The following DRC11 variants were observed in gnomAD, a reference collection of about 807,000 sequenced individuals.
DRC11 encodes the protein dynein regulatory complex subunit 11, also known as IQ and AAA domain-containing protein 1.
the DRC11 span, chr2:236,503,754 C>T: frequency 6.8e-7 from 1 of 1,472,060 alleles, no homozygotes; most frequent in Non-Finnish European, 9.3e-7. This position sits in a 1 kb window ranked among gnomAD's most constrained non-coding sequence, Gnocchi z 4.9. Context: ...ACACCCCCTC[C>T]CACACTGGAC....
chr2:236,447,880 C>A, the DRC11 span, among the ~76,000 whole-genome samples: 3 of 148,722 alleles, frequency 2.0e-5, no homozygotes, highest in African/African-American at 5.0e-5. This position sits in a 1 kb window ranked among gnomAD's most constrained non-coding sequence, Gnocchi z 4.6. Flanking sequence ...TGAAAGCTGG[C>A]CAGGGGAGGG....
At chr2:236,416,610 A>C in the DRC11 span, among the ~76,000 whole-genome samples, 1 of 151,068 alleles carries the variant, frequency 6.6e-6, no homozygotes, top group East Asian at 2.0e-4. Context: ...GTCACAGTGC[A>C]GGAGCCGAGC....
At chr2:236,447,839 A>C in the DRC11 span, among the ~76,000 whole-genome samples, 26 of 128,450 alleles carry the variant, frequency 2.0e-4, no homozygotes, top group African/African-American at 7.6e-4. This position sits in a 1 kb window ranked among gnomAD's most constrained non-coding sequence, Gnocchi z 4.6. Context: ...GTCGGCTTGG[A>C]CCTTGCCTGT....
chr2:236,489,717 T>A, the DRC11 span, among the ~76,000 whole-genome samples: 46 of 152,208 alleles, frequency 3.0e-4, no homozygotes, highest in Middle Eastern at 3.4e-3. Flanking sequence ...AGTCCAGGAA[T>A]TTTAAGACCA....
At chr2:236,449,022 G>A in the DRC11 span, among the ~76,000 whole-genome samples, 1 of 151,846 alleles carries the variant, frequency 6.6e-6, no homozygotes, top group Non-Finnish European at 1.5e-5. The surrounding 1 kb of genome is among the most constrained non-coding windows in gnomAD (Gnocchi z 5.1). Flanking sequence ...ACCACGCCTG[G>A]CAAATTTTTG....
chr2:236,330,962 T>C, the DRC11 span, among the ~76,000 whole-genome samples: 3 of 152,198 alleles, frequency 2.0e-5, no homozygotes, highest in Non-Finnish European at 2.9e-5. The surrounding 1 kb of genome is among the most constrained non-coding windows in gnomAD (Gnocchi z 5.5). Context: ...AAAAACAAAG[T>C]GTTCCATGAC....
At chr2:236,417,904 G>A in the DRC11 span, among the ~76,000 whole-genome samples, 1 of 152,312 alleles carries the variant, frequency 6.6e-6, no homozygotes, top group South Asian at 2.1e-4. Context: ...CAAAAGACAT[G>A]AACTCATTCT....
the DRC11 span, among the ~76,000 whole-genome samples, chr2:236,357,584 T>C: frequency 1.6e-5 from 2 of 127,066 alleles, no homozygotes; most frequent in Non-Finnish European, 3.1e-5. Flanking sequence ...TTATATATTA[T>C]AAATATGCAT....
the DRC11 span, among the ~76,000 whole-genome samples, chr2:236,370,806 T>G: frequency 7.5e-4 from 3 of 3,988 alleles, no homozygotes; most frequent in Admixed American, 3.5e-3. The surrounding 1 kb of genome is among the most constrained non-coding windows in gnomAD (Gnocchi z 5.5). Flanking sequence ...GTGGGGTGGG[T>G]GGTGGGGGTG....
At chr2:236,470,738 T>C in the DRC11 span, among the ~76,000 whole-genome samples, 1 of 152,166 alleles carries the variant, frequency 6.6e-6, no homozygotes, top group Non-Finnish European at 1.5e-5. This position sits in a 1 kb window ranked among gnomAD's most constrained non-coding sequence, Gnocchi z 5.1. Flanking sequence ...ATAGTACAGA[T>C]AGCTAGAGCT....
the DRC11 span, among the ~76,000 whole-genome samples, chr2:236,412,434 C>A: frequency 6.6e-6 from 1 of 152,176 alleles, no homozygotes; most frequent in Non-Finnish European, 1.5e-5. Flanking sequence ...TCATCCGTGC[C>A]CCACCTTCAA....
chr2:236,427,139 T>C, the DRC11 span, among the ~76,000 whole-genome samples: 7 of 152,202 alleles, frequency 4.6e-5, no homozygotes, highest in Non-Finnish European at 1.0e-4. The surrounding 1 kb of genome is among the most constrained non-coding windows in gnomAD (Gnocchi z 5.9). Context: ...TGTTTGGTCA[T>C]GGTGAATGAT....
chr2:236,392,040 T>A, the DRC11 span: 1 of 1,614,008 alleles, frequency 6.2e-7, no homozygotes, highest in Non-Finnish European at 8.5e-7. This position sits in a 1 kb window ranked among gnomAD's most constrained non-coding sequence, Gnocchi z 5.1. Flanking sequence ...TAGCTTTAAG[T>A]TTTTAAGTTC....
chr2:236,350,318 C>T, the DRC11 span, among the ~76,000 whole-genome samples: 1 of 152,186 alleles, frequency 6.6e-6, no homozygotes, highest in African/African-American at 2.4e-5. The surrounding 1 kb of genome is among the most constrained non-coding windows in gnomAD (Gnocchi z 5.2). Context: ...AATTGCTCTC[C>T]CTAGTTCAGC....
At chr2:236,357,652 A>ATATAAT in the DRC11 span, among the ~76,000 whole-genome samples, 1 of 93,266 alleles carries the variant, frequency 1.1e-5, no homozygotes, top group Non-Finnish European at 2.1e-5. Context: ...AAATATATAA[A>ATATAAT]TTATATTCAT....
chr2:236,470,259 G>A, the DRC11 span, among the ~76,000 whole-genome samples: 5 of 152,288 alleles, frequency 3.3e-5, no homozygotes, highest in East Asian at 5.8e-4. The surrounding 1 kb of genome is among the most constrained non-coding windows in gnomAD (Gnocchi z 5.1). Context: ...GTGACTGAAT[G>A]CTGTTAACTT....
At chr2:236,476,797 C>G in the DRC11 span, among the ~76,000 whole-genome samples, 1 of 151,890 alleles carries the variant, frequency 6.6e-6, no homozygotes, top group Non-Finnish European at 1.5e-5. This position sits in a 1 kb window ranked among gnomAD's most constrained non-coding sequence, Gnocchi z 4.7. Flanking sequence ...AGGTTTGTTA[C>G]ATAGGTAAAT....
At chr2:236,395,061 G>A in the DRC11 span, among the ~76,000 whole-genome samples, 1 of 152,230 alleles carries the variant, frequency 6.6e-6, no homozygotes, top group African/African-American at 2.4e-5. Flanking sequence ...TAGGACCAAT[G>A]CACTTAGGCG....
chr2:236,311,697 C>CATGTGT, the DRC11 span, among the ~76,000 whole-genome samples: 1 of 138,798 alleles, frequency 7.2e-6, no homozygotes, highest in African/African-American at 2.6e-5. This position sits in a 1 kb window ranked among gnomAD's most constrained non-coding sequence, Gnocchi z 6.9. Flanking sequence ...GGATGGGGTG[C>CATGTGT]GTGTGTGTGT....
Sources: allele counts gnomAD v4.1 joint callset (sites outside exome capture counted in the v4.1 genomes callset), GRCh38; gene constraint gnomAD v4.1.1; non-coding constraint Gnocchi (gnomAD v3.1); transcripts MANE v1.5; gene names NCBI Gene and HGNC (gene_info 2026-07-23, HGNC 2026-07-21).